The following KCNIP4 variants were observed in gnomAD, a reference collection of about 807,000 sequenced individuals.
KCNIP4 encodes the protein Kv channel-interacting protein 4.
In KCNIP4, 12 loss-of-function variants were observed where a neutral mutation model predicts 34.0. That is an observed-to-expected ratio of 0.35 (90% CI 0.23 to 0.57). The LOEUF (loss-of-function observed/expected upper bound fraction) is 0.57, where lower values mean the gene tolerates loss of function less well. Ranked by LOEUF, KCNIP4 falls within the 20% of genes least tolerant of loss-of-function variation. The pLI is 0.83. For missense variants in KCNIP4, 238 were observed against 311.7 expected (o/e 0.76, Z 1.78); for synonymous variants, 124 against 102.2 (o/e 1.21, Z -1.29).
intron 5 of KCNIP4, among the ~76,000 whole-genome samples, chr4:20,748,253 TTGA>T (rs1421033909): frequency 6.6e-6 from 1 of 152,114 alleles, no homozygotes; most frequent in Non-Finnish European, 1.5e-5. Flanking sequence ...TTCTATCTTC[TTGA>T]TGATTTACAC....
chr4:21,823,587 T>C (rs1171256806), intron 1 of KCNIP4, among the ~76,000 whole-genome samples: 1 of 151,510 alleles, frequency 6.6e-6, no homozygotes, highest in Non-Finnish European at 1.5e-5. Context: ...AAGAAAAGAT[T>C]CTTGCTCCCC....
intron 1 of KCNIP4, among the ~76,000 whole-genome samples, chr4:21,345,841 G>T (rs1304534107): frequency 6.6e-6 from 1 of 151,786 alleles, no homozygotes; most frequent in Non-Finnish European, 1.5e-5. Context: ...CCACTCATTA[G>T]TTAGAATTAA....
chr4:21,238,167 T>C (rs1367256126), intron 1 of KCNIP4, among the ~76,000 whole-genome samples: 22 of 152,208 alleles, frequency 1.4e-4, no homozygotes, highest in African/African-American at 4.8e-4. Flanking sequence ...AGGCCTTTGA[T>C]AAAATTCAAC....
chr4:21,557,184 A>C (rs184352445), intron 1 of KCNIP4, among the ~76,000 whole-genome samples: 307 of 152,248 alleles, frequency 2.0e-3, no homozygotes, highest in Admixed American at 3.9e-3. Flanking sequence ...AGTGCTTTGC[A>C]ACACAAAGTT....
chr4:21,280,093 G>A lies in KCNIP4; in HGVS notation c.62-397384C>T, dbSNP rs111273008. Among the ~76,000 whole-genome samples, 2 of 152,240 alleles carry A rather than the reference G, an allele frequency of 1.3e-5. 1 individual carries two copies. Among genetic ancestry groups the A allele is most frequent in the African/African-American group, 4.8e-5 (2 of 41,558 alleles). On this transcript the variant is annotated intron_variant, in intron 1 of 8. Transcript: ENST00000382152. ...AGGGCTTTTTGATGTTGCATTAGCA[G>A]AATATACAGTCTACATTTATTCCAT...
At chr4:20,947,061 C>T (rs1396653628) in intron 1 of KCNIP4, among the ~76,000 whole-genome samples, 1 of 152,168 alleles carries the variant, frequency 6.6e-6, no homozygotes, top group Admixed American at 6.5e-5. Flanking sequence ...TCTTTGCTCC[C>T]CTAAGCTCCC....
chr4:21,605,407 G>A (rs1371544434), intron 1 of KCNIP4, among the ~76,000 whole-genome samples: 2 of 152,160 alleles, frequency 1.3e-5, no homozygotes, highest in African/African-American at 2.4e-5. Flanking sequence ...TCATTCTTGT[G>A]CCTTGCTCTG....
chr4:21,726,624 C>T (rs962339434), intron 1 of KCNIP4, among the ~76,000 whole-genome samples: 19 of 152,176 alleles, frequency 1.2e-4, no homozygotes, highest in African/African-American at 3.9e-4. Context: ...TTAGATTCCA[C>T]GTCCCTGTGA....
At chr4:21,407,437 T>A (rs1036453968) in intron 1 of KCNIP4, among the ~76,000 whole-genome samples, 14 of 152,172 alleles carry the variant, frequency 9.2e-5, no homozygotes, top group Non-Finnish European at 1.9e-4. Context: ...GTAAGTGCCA[T>A]GAAGTAGGAA....
chr4:21,349,371 A>T (rs370712185), intron 1 of KCNIP4, among the ~76,000 whole-genome samples: 8 of 152,178 alleles, frequency 5.3e-5, no homozygotes, highest in African/African-American at 1.7e-4. Flanking sequence ...ACTGTAGGTG[A>T]AAGTACAGAC....
At chr4:21,250,115 T>TCTTA (rs1286431684) in intron 1 of KCNIP4, among the ~76,000 whole-genome samples, 3 of 129,482 alleles carry the variant, frequency 2.3e-5, no homozygotes, top group African/African-American at 1.3e-4. Context: ...GGATCTCATT[T>TCTTA]CTTTCTTTTT....
At chr4:21,947,752 C>A (rs186495707) in intron 1 of KCNIP4, among the ~76,000 whole-genome samples, 4 of 152,142 alleles carry the variant, frequency 2.6e-5, no homozygotes, top group Admixed American at 1.3e-4. Flanking sequence ...CTCTCATGTG[C>A]CCCAAAATCA....
At position 21,012,734 on chromosome 4, in the gene KCNIP4, A is replaced by G. The variant is rs187098968; in HGVS notation, c.62-130025T>C. ...CAAAGAAGGAGTTTGTAGATCACCT[A>G]GGAAGTAGAACTAAGTTATATCTAA... On this transcript the variant is annotated intron_variant, in intron 1 of 8. Transcript: ENST00000382152. Among the ~76,000 whole-genome samples, 20 of 152,344 alleles carry G rather than the reference A, an allele frequency of 1.3e-4. 1 individual carries two copies. The highest frequency in any genetic ancestry group is 2.9e-4 in the African/African-American group (12 of 41,592).
At chr4:21,568,066 C>A (rs532275793) in intron 1 of KCNIP4, among the ~76,000 whole-genome samples, 1 of 152,150 alleles carries the variant, frequency 6.6e-6, no homozygotes, top group South Asian at 2.1e-4. Flanking sequence ...GAGTGTGCAA[C>A]AATATTGCCC....
chr4:21,687,830 A>C (rs1288995395), intron 1 of KCNIP4, among the ~76,000 whole-genome samples: 2 of 152,162 alleles, frequency 1.3e-5, no homozygotes, highest in Admixed American at 1.3e-4. Flanking sequence ...TCACTAGGTG[A>C]TATCTGAGCT....
At chr4:21,376,134 T>G (rs1720941239) in intron 1 of KCNIP4, among the ~76,000 whole-genome samples, 1 of 151,798 alleles carries the variant, frequency 6.6e-6, no homozygotes. Flanking sequence ...CCTAAATTAT[T>G]ATTATACAAC....
intron 1 of KCNIP4, among the ~76,000 whole-genome samples, chr4:21,494,672 C>T (rs918144703): frequency 3.3e-5 from 5 of 151,236 alleles, no homozygotes; most frequent in African/African-American, 1.2e-4. Flanking sequence ...ACTCAGGAGT[C>T]TGAGGCAAGA....
chr4:21,904,714 G>A (rs1727895356), intron 1 of KCNIP4, among the ~76,000 whole-genome samples: 1 of 152,160 alleles, frequency 6.6e-6, no homozygotes, highest in Non-Finnish European at 1.5e-5. Flanking sequence ...CAGAATTATA[G>A]ACATTTTGGA....
chr4:21,288,168 T>C (rs547080155), intron 1 of KCNIP4, among the ~76,000 whole-genome samples: 1 of 152,288 alleles, frequency 6.6e-6, no homozygotes, highest in African/African-American at 2.4e-5. Flanking sequence ...CAGAGACACA[T>C]GCACACACAC....
Sources: allele counts gnomAD v4.1 joint callset (sites outside exome capture counted in the v4.1 genomes callset), GRCh38; gene constraint gnomAD v4.1.1; transcripts MANE v1.5; gene names NCBI Gene and HGNC (gene_info 2026-07-23, HGNC 2026-07-21).